The following CAPN7 variants were observed in gnomAD, a reference collection of about 807,000 sequenced individuals.
The protein encoded by CAPN7 is calpain 7.
In CAPN7, 72 loss-of-function variants were observed where a neutral mutation model predicts 115.2. The ratio of observed to expected loss-of-function variants is 0.63; its 90% CI spans 0.52 to 0.76. CAPN7 has a LOEUF of 0.76. Ranked by LOEUF, CAPN7 falls within the 30% of genes least tolerant of loss-of-function variation. The probability of loss-of-function intolerance (pLI) is 0.00; values close to 1 mark genes in which losing one functional copy is unlikely to be tolerated. For synonymous variants in CAPN7, 344 were observed against 322.3 expected, an observed-to-expected ratio of 1.07 and a Z score of -0.72; for missense variants, 905 against 971.5, an observed-to-expected ratio of 0.93 and a Z score of 0.91.
At chr3:15,230,984 G>C (rs995414732) in intron 9 of CAPN7, among the ~76,000 whole-genome samples, 3 of 152,194 alleles carry the variant, frequency 2.0e-5, no homozygotes, top group Non-Finnish European at 4.4e-5. Context: ...TTTAAGGAAA[G>C]ACTCTGAACT....
intron 12 of CAPN7, among the ~76,000 whole-genome samples, chr3:15,238,846 CA>C (rs1306238167): frequency 7.7e-5 from 10 of 130,160 alleles, no homozygotes; most frequent in African/African-American, 3.4e-4. Flanking sequence ...TCAGCAAAAT[CA>C]AATTTTTTTT....
rs1195957648 is a variant in CAPN7 at position 15,251,239 on chromosome 3, C to G, written c.2421C>G (p.Ile807Met). ...FFLDFNSIIPIKITQLQ is the reference protein window; with the variant it reads ...FFLDFNSIIPMKITQLQ ...TGGACTTTAATAGTATTATCCCCAT[C>G]AAGATCACACAACTTCAGTGATGGA... Residue 807 changes from isoleucine to methionine, a missense_variant, in exon 21 of 21, where the codon ATC becomes ATG. Physicochemically the swap from Ile to Met is conservative, Grantham distance 10. Around this residue, in one of 3 missense-constraint regions of CAPN7, gnomAD observed 620 missense variants for 703.4 expected, o/e 0.88. Transcript: ENST00000253693. 1.9e-6 allele frequency: 3 copies of G among 1,593,492 alleles called. No homozygotes were observed. Among genetic ancestry groups the G allele is most frequent in the Non-Finnish European group, 2.6e-6 (3 of 1,174,394 alleles).
In CAPN7 at chr3:15,206,303, C is replaced by T. The variant is rs1298322948; in HGVS notation, c.-193C>T. 2 of 522,718 alleles carry T rather than the reference C, an allele frequency of 3.8e-6. No homozygotes were observed. Among genetic ancestry groups the T allele is most frequent in the Non-Finnish European group, 6.7e-6 (2 of 297,680 alleles). 32.4% of individuals were successfully genotyped at this position (522,718 alleles called of 1,614,324 possible). On this transcript the variant is annotated 5_prime_UTR_variant, in exon 1 of 21. Coordinates refer to ENST00000253693, the MANE Select transcript of CAPN7 (RefSeq NM_014296.3). ...GGGTGGGCTACAAGCCGGGTCTGGG[C>T]TGAGGGGCGCGGCTTCGCGGTGGAC...
At chr3:15,233,845 C>G (rs1384464740) in intron 10 of CAPN7, 22 bp from the exon 11 acceptor site, 1 of 1,313,150 alleles carries the variant, frequency 7.6e-7, no homozygotes. Context: ...ACTGGCAGTC[C>G]TGAAATGTGT....
At chr3:15,216,973 C>G (rs1274020617) in intron 2 of CAPN7, among the ~76,000 whole-genome samples, 1 of 151,266 alleles carries the variant, frequency 6.6e-6, no homozygotes, top group Non-Finnish European at 1.5e-5. Context: ...CATGGTGGCT[C>G]ACACCTGTAA....
chr3:15,251,903 CCATT>C lies in CAPN7; in HGVS notation c.*646_*649del, dbSNP rs1160863192. 2.6e-5 allele frequency: 4 copies of C among 152,148 alleles called. No individual in the cohort carries two copies. The highest frequency in any genetic ancestry group is 4.4e-5 in the Non-Finnish European group (3 of 68,018). 9.4% of individuals were successfully genotyped at this position (152,148 alleles called of 1,614,324 possible). A position where few individuals can be genotyped will look rare whatever the true frequency, so the allele number is the denominator to read the frequency against. ...GAATGAAAATTGTTGAGGTTATCTC[CCATT>C]CAATCATGTAGCAAGAACTTAAAGA... On this transcript the variant is annotated 3_prime_UTR_variant, in exon 21 of 21. Transcript: ENST00000253693.
intron 16 of CAPN7, 72 bp downstream of exon 16, chr3:15,242,325 AT>A: frequency 3.1e-6 from 3 of 982,254 alleles, no homozygotes; most frequent in Non-Finnish European, 4.5e-6. Flanking sequence ...AAGTTGAAAA[AT>A]GACACATTTT....
At chr3:15,227,104 A>G (rs1260365417) in intron 6 of CAPN7, among the ~76,000 whole-genome samples, 2 of 143,602 alleles carry the variant, frequency 1.4e-5, no homozygotes, top group Non-Finnish European at 3.0e-5. Context: ...GGAGACCTCA[A>G]CTGTTAAAAA....
chr3:15,227,376 T>G (rs1694382855), intron 6 of CAPN7, among the ~76,000 whole-genome samples: 1 of 152,194 alleles, frequency 6.6e-6, no homozygotes, highest in Admixed American at 6.5e-5. Flanking sequence ...GGATTATGTA[T>G]GTAAAGCACT....
At chr3:15,221,834 A>G (rs1694009277) in intron 5 of CAPN7, among the ~76,000 whole-genome samples, 2 of 151,850 alleles carry the variant, frequency 1.3e-5, no homozygotes, top group African/African-American at 4.8e-5. Flanking sequence ...GCTGGGTATG[A>G]TGATGTGCAC....
At chr3:15,244,978 T>C (rs1408727620) in intron 16 of CAPN7, among the ~76,000 whole-genome samples, 1 of 152,150 alleles carries the variant, frequency 6.6e-6, no homozygotes, top group African/African-American at 2.4e-5. Context: ...CAGTTATTTT[T>C]TTCATTCATT....
At position 15,206,402 on chromosome 3, in the gene CAPN7, C is replaced by T. The variant is rs2044622630; in HGVS notation, c.-94C>T. 2.2e-6 allele frequency: 2 copies of T among 906,992 alleles called. No individual in the cohort carries two copies. Among genetic ancestry groups the T allele is most frequent in the Admixed American group, 2.3e-5 (1 of 42,986 alleles). 56.2% of individuals were successfully genotyped at this position (906,992 alleles called of 1,614,324 possible). A position where few individuals can be genotyped will look rare whatever the true frequency, so the allele number is the denominator to read the frequency against. ...ACTTTGCCGCTCCTTCCGCGGCGCT[C>T]CCGAGTCCTCGCCGCCGCCGGGCCG... On this transcript the variant is annotated 5_prime_UTR_variant, in exon 1 of 21. Transcript: ENST00000253693.
intron 18 of CAPN7, chr3:15,247,090 G>A: frequency 1.8e-6 from 1 of 563,864 alleles, no homozygotes; most frequent in Non-Finnish European, 3.1e-6. Context: ...TATAGAGGAA[G>A]ATTCTATGGA....
chr3:15,216,671 G>A (rs1391834746), intron 2 of CAPN7, among the ~76,000 whole-genome samples: 1 of 152,026 alleles, frequency 6.6e-6, no homozygotes, highest in East Asian at 1.9e-4. Flanking sequence ...ACACAATTTT[G>A]TCTGTGCAGA....
intron 1 of CAPN7, among the ~76,000 whole-genome samples, chr3:15,209,294 G>GCCAC (rs2044806983): frequency 6.6e-6 from 1 of 152,198 alleles, no homozygotes. Context: ...ATAGGCATGA[G>GCCAC]CCACCGCCCC....
chr3:15,231,327 A>G (rs1694672908), intron 9 of CAPN7, among the ~76,000 whole-genome samples: 2 of 152,202 alleles, frequency 1.3e-5, no homozygotes, highest in Admixed American at 1.3e-4. Context: ...ATTTCTAACA[A>G]GATTCCAGGT....
chr3:15,247,441 G>A lies in CAPN7; in HGVS notation c.2188G>A (p.Glu730Lys). The A allele has an allele frequency of 6.3e-7, 1 of 1,599,032 alleles. No individual in the cohort carries two copies. Among genetic ancestry groups the A allele is most frequent in the Non-Finnish European group, 8.5e-7 (1 of 1,175,426 alleles). ...HIEKTGPLLI[E>K]LRGPRQYSVG... ...AGAAAAGACTGGGCCGTTACTGATT[G>A]AGCTACGAGGACCAAGGTTTGTGAT... Residue 730 changes from glutamate (E) to lysine (K), a missense_variant, in exon 19 of 21, where the codon GAG becomes AAG. This residue lies in a region of CAPN7 where 620 missense variants were observed against 703.4 expected (regional missense o/e 0.88). Coordinates refer to ENST00000253693, the MANE Select transcript of CAPN7 (RefSeq NM_014296.3).
intron 5 of CAPN7, among the ~76,000 whole-genome samples, chr3:15,222,210 A>G (rs1423979650): frequency 6.6e-6 from 1 of 152,184 alleles, no homozygotes; most frequent in Non-Finnish European, 1.5e-5. Context: ...CTCAGAGGAT[A>G]TTAAAAATGT....
At position 15,209,489 on chromosome 3, in the gene CAPN7, G is replaced by T. The variant is rs533280396; in HGVS notation, c.103-2615G>T. On this transcript the variant is annotated intron_variant, in intron 1 of 20. Transcript: ENST00000253693. ...TGAATATTATTCCCTTAATATTTAT[G>T]CTAGGAACATTTGAATTAATCTAGC... Among the ~76,000 whole-genome samples, 275 of 152,280 alleles carry T rather than the reference G, an allele frequency of 1.8e-3. 1 individual carries two copies. The highest frequency in any genetic ancestry group is 2.9e-3 in the Non-Finnish European group (200 of 68,028).
Sources: allele counts gnomAD v4.1 joint callset (sites outside exome capture counted in the v4.1 genomes callset), GRCh38; gene constraint gnomAD v4.1.1; regional missense constraint gnomAD v4.1.1; transcripts MANE v1.5; gene names NCBI Gene and HGNC (gene_info 2026-07-23, HGNC 2026-07-21).